The following AGO4 variants were observed in gnomAD, a reference collection of about 807,000 sequenced individuals.
AGO4 encodes protein argonaute-4.
A neutral mutation model predicts 104.7 loss-of-function variants in AGO4; 33 were observed. The ratio of observed to expected loss-of-function variants is 0.32; its 90% CI spans 0.24 to 0.42. The LOEUF is 0.42. Ranked by LOEUF, AGO4 falls within the 10% of genes least tolerant of loss-of-function variation. The pLI is 1.00. For missense variants in AGO4, 711 were observed against 1,083.4 expected (o/e 0.66, Z 4.83); for synonymous variants, 331 against 364.7 (o/e 0.91, Z 1.05).
Position 35,825,694 on chromosome 1 carries a change from C to T in AGO4, c.504C>T (p.Gly168=). The T allele has an allele frequency of 6.4e-7, 1 of 1,559,982 alleles. No individual in the cohort carries two copies. Among genetic ancestry groups the T allele is most frequent in the Non-Finnish European group, 8.6e-7 (1 of 1,159,318 alleles). The part of the protein sequence containing the change: ...HLPSMRYTPV[G]RSFFSPPEGY... ...ATTTCTTCAGGTACACCCCAGTGGGCCGTTCCTTTTTCTCACCCCCGGAAG... is the reference window on the plus strand; with the variant it reads ...ATTTCTTCAGGTACACCCCAGTGGGTCGTTCCTTTTTCTCACCCCCGGAAG... The change falls in exon 5 of 18, where the codon GGC becomes GGT. Residue 168 remains glycine (G), a synonymous_variant. Coordinates refer to ENST00000373210, the MANE Select transcript of AGO4 (RefSeq NM_017629.4).
intron 1 of AGO4, among the ~76,000 whole-genome samples, chr1:35,810,389 T>C (rs1643462047): frequency 6.6e-6 from 1 of 152,186 alleles, no homozygotes; most frequent in Non-Finnish European, 1.5e-5. Flanking sequence ...TAGTGCTTTG[T>C]GCCCTCCTCA....
chr1:35,831,941 G>A lies in AGO4; in HGVS notation c.1116+10G>A. ...AGAGATCAGTAGACTGGTCAGTAAG[G>A]CATGGTCTTCAAGATGAGCTAGCTT... On this transcript the variant is annotated intron_variant, in intron 9 of 17. Transcript: ENST00000373210. 4 of 1,612,984 alleles carry A rather than the reference G, an allele frequency of 2.5e-6. No homozygotes were observed. Among genetic ancestry groups the A allele is most frequent in the Non-Finnish European group, 3.4e-6 (4 of 1,179,692 alleles).
intron 11 of AGO4, among the ~76,000 whole-genome samples, chr1:35,833,607 C>G (rs1340839745): frequency 6.6e-6 from 1 of 152,128 alleles, no homozygotes; most frequent in Non-Finnish European, 1.5e-5. Context: ...TATTTCTGTA[C>G]CAGGCTTACC....
At chr1:35,845,947 GAAA>G (rs1238315350) in intron 15 of AGO4, among the ~76,000 whole-genome samples, 5 of 152,106 alleles carry the variant, frequency 3.3e-5, no homozygotes, top group South Asian at 2.1e-4. Flanking sequence ...TGGCAGAGAG[GAAA>G]AAAGATACAT....
At chr1:35,823,478 T>G (rs972575198) in intron 3 of AGO4, among the ~76,000 whole-genome samples, 1 of 152,018 alleles carries the variant, frequency 6.6e-6, no homozygotes, top group Non-Finnish European at 1.5e-5. Context: ...CAGGCTGGAG[T>G]GCAGTGGCGC....
At chr1:35,828,941 A>G (rs533559352) in intron 7 of AGO4, among the ~76,000 whole-genome samples, 1 of 152,176 alleles carries the variant, frequency 6.6e-6, no homozygotes, top group Non-Finnish European at 1.5e-5. Flanking sequence ...TGACATAAAC[A>G]TAAATATTGG....
At chr1:35,848,833 T>G (rs528596524) in intron 15 of AGO4, among the ~76,000 whole-genome samples, 1 of 152,216 alleles carries the variant, frequency 6.6e-6, no homozygotes. Flanking sequence ...CTAATATTCC[T>G]AAAGAACACA....
At chr1:35,836,705 G>A (rs1293314848) in intron 13 of AGO4, among the ~76,000 whole-genome samples, 3 of 152,118 alleles carry the variant, frequency 2.0e-5, no homozygotes, top group Non-Finnish European at 2.9e-5. Flanking sequence ...CACTGTGCCC[G>A]GCCTTGGATA....
Position 35,855,213 on chromosome 1 carries a change from CTA to C in AGO4, c.*1612_*1613del, listed in dbSNP as rs1392657677. ...GGGATAAAAGGCCTGGAGCCACACTCTATATGGCTGAGGAAGGAGCTAGGGAA... is the reference window on the plus strand; with the variant it reads ...GGGATAAAAGGCCTGGAGCCACACTCTATGGCTGAGGAAGGAGCTAGGGAA... On this transcript the variant is annotated 3_prime_UTR_variant, in exon 18 of 18. Coordinates refer to ENST00000373210, the MANE Select transcript of AGO4 (RefSeq NM_017629.4). 6.6e-6 allele frequency: 1 copy of C among 152,598 alleles called. No homozygotes were observed. Among genetic ancestry groups the C allele is most frequent in the Admixed American group, 6.5e-5 (1 of 15,270 alleles). The allele number at this position is 152,598 out of a possible 1,614,324, so 9.5% of individuals were successfully genotyped here. A position where few individuals can be genotyped will look rare whatever the true frequency, so the allele number is the denominator to read the frequency against.
intron 1 of AGO4, among the ~76,000 whole-genome samples, chr1:35,810,046 A>G (rs927336222): frequency 2.7e-5 from 4 of 150,838 alleles, no homozygotes; most frequent in Non-Finnish European, 5.9e-5. Context: ...TTTTGTTTTG[A>G]TTTTAGCTTT....
At chr1:35,843,939 T>C (rs1258907563) in intron 15 of AGO4, among the ~76,000 whole-genome samples, 2 of 152,242 alleles carry the variant, frequency 1.3e-5, no homozygotes, top group African/African-American at 4.8e-5. Flanking sequence ...TGACATTTAC[T>C]AATATCTTCA....
chr1:35,826,661 C>T, intron 6 of AGO4, 87 bp from the exon 7 acceptor site: 2 of 1,175,872 alleles, frequency 1.7e-6, no homozygotes, highest in South Asian at 1.3e-5. Context: ...TGTACAATGT[C>T]ATGACATTTT....
chr1:35,809,458 GA>G (rs1371039362), intron 1 of AGO4, among the ~76,000 whole-genome samples: 1 of 152,152 alleles, frequency 6.6e-6, no homozygotes, highest in Non-Finnish European at 1.5e-5. Context: ...TTTGAGTTTG[GA>G]AACTTGGCAC....
At chr1:35,836,106 A>G (rs537156661) in intron 13 of AGO4, 113 bp downstream of exon 13, 169 of 1,123,260 alleles carry the variant, frequency 1.5e-4, no homozygotes, top group Non-Finnish European at 2.0e-4. Context: ...TTGTATATAT[A>G]TGCACCCATA....
chr1:35,850,347 C>T (rs1364577525), intron 16 of AGO4, 89 bp downstream of exon 16: 5 of 981,520 alleles, frequency 5.1e-6, no homozygotes, highest in Non-Finnish European at 8.3e-6. Context: ...TTATTTAACA[C>T]CGTGCCTAAC....
In AGO4 at chr1:35,854,901, T is replaced by A. The variant is rs1057233771; in HGVS notation, c.*1296T>A. ...AATGTACTTGGTGGGTTTTCCTTCC[T>A]TTTATTAAACTAAAACTGTGTGGAA... is the stretch of plus-strand genomic sequence containing the variant. On this transcript the variant is annotated 3_prime_UTR_variant, in exon 18 of 18. Coordinates refer to ENST00000373210, the MANE Select transcript of AGO4 (RefSeq NM_017629.4). The A allele has an allele frequency of 2.2e-4, 34 of 152,802 alleles. No homozygotes were observed. Among genetic ancestry groups the A allele is most frequent in the Non-Finnish European group, 2.9e-5 (2 of 68,038 alleles). The allele number at this position is 152,802 out of a possible 1,614,324, so 9.5% of individuals were successfully genotyped here.
chr1:35,808,338 CGCG>C lies in AGO4; in HGVS notation c.-56_-54del, dbSNP rs935802044. 0.014 allele frequency: 11,871 copies of C among 838,758 alleles called. No individual in the cohort carries two copies. Among genetic ancestry groups the C allele is most frequent in the Middle Eastern group, 0.016 (27 of 1,702 alleles). 52.0% of individuals were successfully genotyped at this position (838,758 alleles called of 1,614,324 possible). ...CCAATATTCCGGAGATCAAGCGTTA[CGCG>C]GCGGCGGCGGCGGCGGCGGCGGGGC... is the stretch of plus-strand genomic sequence containing the variant. On this transcript the variant is annotated 5_prime_UTR_variant, in exon 1 of 18. Coordinates refer to ENST00000373210, the MANE Select transcript of AGO4 (RefSeq NM_017629.4). This position sits in a 1 kb window ranked among gnomAD's most constrained non-coding sequence, Gnocchi z 5.2.
At chr1:35,832,036 G>T (rs1432221592) in intron 9 of AGO4, 21 bp from the exon 10 acceptor site, 2 of 1,606,906 alleles carry the variant, frequency 1.2e-6, no homozygotes, top group Admixed American at 3.5e-5. Context: ...TTTTATATAT[G>T]CAGGCTTTCC....
At chr1:35,822,481 T>C (rs1164062861) in intron 2 of AGO4, among the ~76,000 whole-genome samples, 1 of 151,838 alleles carries the variant, frequency 6.6e-6, no homozygotes. Flanking sequence ...CTCGAACTCC[T>C]GACCTCAAGT....
Sources: gnomAD v4.1 joint callset for allele counts (sites outside exome capture counted in the v4.1 genomes callset) on GRCh38, gnomAD v4.1.1 for gene constraint, Gnocchi (gnomAD v3.1) non-coding constraint, MANE v1.5 for transcripts, NCBI Gene and HGNC (gene_info 2026-07-23, HGNC 2026-07-21) for gene names.